PHF8: variants seen among roughly 807,000 people sequenced by gnomAD.
PHF8 encodes histone lysine demethylase PHF8.
A neutral mutation model predicts 74.4 loss-of-function variants in PHF8; 9 were observed. That is an observed-to-expected ratio of 0.12 (90% CI 0.07 to 0.21). PHF8 has a LOEUF of 0.21. Among genes scored for constraint, PHF8 ranks in the 10% least tolerant of loss-of-function variants. The probability of loss-of-function intolerance (pLI) is 1.00; values close to 1 mark genes in which losing one functional copy is unlikely to be tolerated. For missense variants in PHF8, 478 were observed against 816.6 expected (o/e 0.59, Z 5.05); for synonymous variants, 311 against 316.6 (o/e 0.98, Z 0.19).
intron 14 of PHF8, among the ~76,000 whole-genome samples, chrX:53,992,512 T>C (rs781783760): frequency 8.9e-6 from 1 of 111,962 alleles, no homozygotes; most frequent in South Asian, 3.8e-4. Flanking sequence ...AAAATCTTTC[T>C]CAGGCTTGCC....
Position 54,043,921 on chromosome X carries a change from C to T in PHF8, c.-252G>A, listed in dbSNP as rs1377224288. ...CCCCAGCGACACGCCGGCAGCCGGGCTAGCTCCGGGACTGCGAAGCGCCTC... is the reference window on the plus strand; with the variant it reads ...CCCCAGCGACACGCCGGCAGCCGGGTTAGCTCCGGGACTGCGAAGCGCCTC... On this transcript the variant is annotated 5_prime_UTR_variant, in exon 1 of 22. Transcript: ENST00000338154. 1 of 753,901 alleles carries T rather than the reference C, an allele frequency of 1.3e-6. No individual in the cohort carries two copies. Among genetic ancestry groups the T allele is most frequent in the Non-Finnish European group, 1.6e-6 (1 of 639,218 alleles). The allele number at this position is 753,901 out of a possible 1,213,427, so 62.1% of individuals were successfully genotyped here.
intron 18 of PHF8, among the ~76,000 whole-genome samples, chrX:53,971,558 A>T (rs1557094531): frequency 9.0e-6 from 1 of 111,541 alleles, no homozygotes; most frequent in Admixed American, 9.6e-5. Context: ...CTTTTTTGAA[A>T]AAATTAATAA....
At chrX:53,944,349 C>T (rs930152569) in intron 19 of PHF8, 106 bp from the exon 20 acceptor site, 84 of 570,329 alleles carry the variant, frequency 1.5e-4, no homozygotes, top group Admixed American at 3.6e-4. Context: ...GGTCTTCCTG[C>T]TTCTAGCTTT....
At chrX:53,968,789 A>AATCCCGGTTACTGGG (rs1290643987) in intron 18 of PHF8, among the ~76,000 whole-genome samples, 2 of 111,559 alleles carry the variant, frequency 1.8e-5, no homozygotes, top group Admixed American at 9.6e-5. Context: ...GGGCATCTGT[A>AATCCCGGTTACTGGG]ATCCCGGTTA....
At chrX:53,995,871 G>C (rs1557102717) in intron 11 of PHF8, 89 bp from the exon 12 acceptor site, 1 of 496,791 alleles carries the variant, frequency 2.0e-6, no homozygotes, top group Admixed American at 3.1e-5. Flanking sequence ...AATGGAGAAA[G>C]AGTAGTCTTT....
At chrX:53,946,949 G>A (rs1557085326) in intron 19 of PHF8, among the ~76,000 whole-genome samples, 1 of 111,828 alleles carries the variant, frequency 8.9e-6, no homozygotes, top group East Asian at 2.8e-4. Flanking sequence ...AAGCCAATAC[G>A]GCAATATATT....
At chrX:53,982,160 T>C (rs1557098189) in intron 18 of PHF8, among the ~76,000 whole-genome samples, 1 of 112,194 alleles carries the variant, frequency 8.9e-6, no homozygotes, top group African/African-American at 3.2e-5. Flanking sequence ...TCAATGTGAT[T>C]TGACTGCTCA....
In PHF8 at chrX:54,022,317, G is replaced by T; in HGVS notation, c.235C>A (p.Pro79Thr). 4 of 1,208,065 alleles carry T rather than the reference G, an allele frequency of 3.3e-6. No individual in the cohort carries two copies. The highest frequency in any genetic ancestry group is 4.5e-6 in the Non-Finnish European group (4 of 892,244). The change falls in exon 4 of 22, where the codon CCA becomes ACA. Residue 79 changes from proline to threonine, a missense_variant. By Grantham distance (38) the Pro-to-Thr change is conservative. Transcript: ENST00000338154. ...AACGTAGGGCTCCCGGTCTTCACTG[G>T]TTTCCCCTTGTGTGTATCATGCCCC... ...SKGHDTHKGK[P>T]VKTGSPTFVR...
intron 18 of PHF8, among the ~76,000 whole-genome samples, chrX:53,979,242 C>T (rs782557627): frequency 9.1e-5 from 10 of 110,329 alleles, no homozygotes; most frequent in Non-Finnish European, 1.1e-4. Context: ...ATTAGCCAGG[C>T]GTGGTGGCGT....
At chrX:53,941,108 T>C (rs1387232322) in intron 20 of PHF8, among the ~76,000 whole-genome samples, 1 of 112,182 alleles carries the variant, frequency 8.9e-6, no homozygotes, top group Non-Finnish European at 1.9e-5. Context: ...TGGAATGAGA[T>C]AAATCTGGTT....
chrX:53,982,712 G>A (rs2065498466), intron 18 of PHF8, among the ~76,000 whole-genome samples: 1 of 111,953 alleles, frequency 8.9e-6, no homozygotes, highest in African/African-American at 3.2e-5. Context: ...TGATGAATTA[G>A]TCAATAAATG....
intron 18 of PHF8, among the ~76,000 whole-genome samples, chrX:53,980,950 C>T (rs782776916): frequency 3.3e-3 from 376 of 112,787 alleles, no homozygotes; most frequent in Non-Finnish European, 5.7e-3. Flanking sequence ...TGGTGGCTCG[C>T]GCCTGTAATC....
chrX:54,016,555 G>C (rs782564124), intron 6 of PHF8, 40 bp downstream of exon 6: 1 of 1,144,003 alleles, frequency 8.7e-7, no homozygotes, highest in Non-Finnish European at 1.2e-6. Context: ...CAAGTTTCAG[G>C]CACTTTGTCA....
At chrX:54,003,256 C>T (rs1413356754) in intron 8 of PHF8, among the ~76,000 whole-genome samples, 1 of 111,451 alleles carries the variant, frequency 9.0e-6, no homozygotes, top group African/African-American at 3.3e-5. Context: ...TCTTCTGGGT[C>T]CTTAATAGTT....
intron 2 of PHF8, chrX:54,039,969 A>G (rs1388709172): frequency 8.9e-6 from 1 of 112,770 alleles, no homozygotes; most frequent in Admixed American, 9.4e-5. Context: ...GAGTTAATGC[A>G]ACAACAAATT....
At chrX:53,951,078 A>G (rs1302282501) in intron 19 of PHF8, among the ~76,000 whole-genome samples, 2 of 112,420 alleles carry the variant, frequency 1.8e-5, no homozygotes, top group Non-Finnish European at 3.7e-5. Context: ...AGAGAATACC[A>G]ATAGAGACAG....
chrX:53,963,599 G>C (rs2065135391), intron 18 of PHF8, among the ~76,000 whole-genome samples: 1 of 111,789 alleles, frequency 8.9e-6, no homozygotes. Flanking sequence ...CTTCTCAAAA[G>C]AAGACATTTA....
chrX:54,030,097 C>T (rs1261084451), intron 2 of PHF8, among the ~76,000 whole-genome samples: 1 of 111,021 alleles, frequency 9.0e-6, no homozygotes, highest in East Asian at 2.8e-4. Flanking sequence ...CAACACTATC[C>T]CTATTTCAGC....
chrX:53,946,900 G>A (rs183051198), intron 19 of PHF8, among the ~76,000 whole-genome samples: 5 of 111,832 alleles, frequency 4.5e-5, no homozygotes, highest in African/African-American at 1.6e-4. Flanking sequence ...TTGCTTTCAA[G>A]CAAAGAAAAA....
Sources: gnomAD v4.1 joint callset for allele counts (sites outside exome capture counted in the v4.1 genomes callset) on GRCh38, gnomAD v4.1.1 for gene constraint, MANE v1.5 for transcripts, NCBI Gene and HGNC (gene_info 2026-07-23, HGNC 2026-07-21) for gene names.